The following RNF38 variants were observed in gnomAD, a reference collection of about 807,000 sequenced individuals.
RNF38 encodes E3 ubiquitin-protein ligase RNF38.
RNF38 carries 15 observed loss-of-function variants against 67.2 expected under a neutral mutation model. The observed-to-expected ratio is 0.22, with a 90% CI of 0.15 to 0.34. The LOEUF (loss-of-function observed/expected upper bound fraction) is 0.34, where lower values mean the gene tolerates loss of function less well. Ranked by LOEUF, RNF38 falls within the 10% of genes least tolerant of loss-of-function variation. The pLI, the probability that RNF38 is intolerant of heterozygous loss-of-function variation, is 1.00. For synonymous variants in RNF38, 220 were observed against 218.8 expected (o/e 1.01, Z -0.05); for missense variants, 524 against 639.9 (o/e 0.82, Z 1.95).
chr9:36,450,177 C>G (rs1382667724), intron 1 of RNF38, among the ~76,000 whole-genome samples: 1 of 150,686 alleles, frequency 6.6e-6, no homozygotes, highest in African/African-American at 2.5e-5. Context: ...GTTGTGCAAC[C>G]ATCATCACTC....
intron 2 of RNF38, among the ~76,000 whole-genome samples, chr9:36,407,490 G>GC (rs1343837919): frequency 6.6e-6 from 1 of 152,210 alleles, no homozygotes; most frequent in Non-Finnish European, 1.5e-5. Context: ...GCCTAGGACA[G>GC]CCAAGTCAGA....
rs1834744091 is a variant in RNF38, at chr9:36,363,900, C to G, written c.570+5819G>C. ...TTTTTTTTTTTTTTTTTTGGAGGTG[C>G]AATCTCGCTCACTGCCACCACCTCC... On this transcript the variant is annotated intron_variant, in intron 4 of 11. Coordinates refer to ENST00000259605, the MANE Select transcript of RNF38 (RefSeq NM_022781.5). 2.5e-5 allele frequency among the ~76,000 whole-genome samples: 2 copies of G among 78,734 alleles called. 1 individual carries two copies. The highest frequency in any genetic ancestry group is 7.8e-5 in the African/African-American group (2 of 25,794). The allele number at this position is 78,734 out of a possible 152,430, so 51.7% of individuals were successfully genotyped here.
intron 2 of RNF38, among the ~76,000 whole-genome samples, chr9:36,423,551 A>G (rs569671189): frequency 2.2e-4 from 34 of 152,274 alleles, no homozygotes; most frequent in African/African-American, 7.9e-4. Context: ...GATGGTGAAA[A>G]AGACTAAATT....
chr9:36,439,754 G>A (rs1246155401), intron 1 of RNF38, among the ~76,000 whole-genome samples: 1 of 137,910 alleles, frequency 7.3e-6, no homozygotes, highest in African/African-American at 2.7e-5. Context: ...TTATATCACT[G>A]TACTCCAGCC....
At chr9:36,390,275 T>G (rs1385237703) in intron 2 of RNF38, among the ~76,000 whole-genome samples, 192 bp downstream of exon 2, 2 of 152,192 alleles carry the variant, frequency 1.3e-5, no homozygotes, top group African/African-American at 2.4e-5. Context: ...AGTAGCTGAG[T>G]AGCTCAAGAA....
chr9:36,438,419 AT>A (rs202109356), intron 1 of RNF38, among the ~76,000 whole-genome samples: 96 of 151,828 alleles, frequency 6.3e-4, no homozygotes, highest in African/African-American at 1.9e-3. Flanking sequence ...TTTTTTTGTG[AT>A]TTTTTTTAAG....
intron 3 of RNF38, among the ~76,000 whole-genome samples, chr9:36,375,371 T>TGA (rs748576640): frequency 6.6e-6 from 1 of 152,186 alleles, no homozygotes. Flanking sequence ...TTTGTTTTTT[T>TGA]GAGAGAGACA....
At chr9:36,414,452 A>AG (rs1838408091) in intron 2 of RNF38, among the ~76,000 whole-genome samples, 1 of 152,114 alleles carries the variant, frequency 6.6e-6, no homozygotes, top group Non-Finnish European at 1.5e-5. Flanking sequence ...TGGGAGGCTG[A>AG]GGGGGGCAGA....
chr9:36,407,638 C>CACTA (rs1838214113), intron 2 of RNF38, among the ~76,000 whole-genome samples: 1 of 152,164 alleles, frequency 6.6e-6, no homozygotes, highest in Non-Finnish European at 1.5e-5. Flanking sequence ...AACAGGCCTC[C>CACTA]ACTAGATGGC....
At chr9:36,452,993 G>A (rs1205144465) in intron 1 of RNF38, among the ~76,000 whole-genome samples, 4 of 152,066 alleles carry the variant, frequency 2.6e-5, no homozygotes, top group African/African-American at 7.2e-5. Context: ...GTAGACTTAC[G>A]TTTTCAATTA....
At chr9:36,423,731 C>T (rs1283408333) in intron 2 of RNF38, among the ~76,000 whole-genome samples, 3 of 26,678 alleles carry the variant, frequency 1.1e-4, no homozygotes, top group Admixed American at 2.5e-4. Flanking sequence ...GGGCGGATCA[C>T]GAGGTCAGGA....
intron 2 of RNF38, among the ~76,000 whole-genome samples, chr9:36,413,768 G>C (rs2134206598): frequency 6.6e-6 from 1 of 152,220 alleles, no homozygotes; most frequent in East Asian, 1.9e-4. Flanking sequence ...GGTCACTTTT[G>C]TTGTATAGTT....
chr9:36,473,909 C>T (rs909862229), intron 1 of RNF38, among the ~76,000 whole-genome samples: 3 of 150,266 alleles, frequency 2.0e-5, no homozygotes, highest in African/African-American at 7.4e-5. Context: ...TTGCTTGAAC[C>T]TGGGAGGCGG....
rs371744534 is a variant in RNF38 at position 36,339,343 on chromosome 9, C to G, written c.*409G>C. ...ACTTATCACCAACAGTCATACGCTG[C>G]GCATTCATTTCCACTCACAGTTTCT... is the stretch of plus-strand genomic sequence containing the variant. On this transcript the variant is annotated 3_prime_UTR_variant, in exon 12 of 12. Coordinates refer to ENST00000259605, the MANE Select transcript of RNF38 (RefSeq NM_022781.5). 1 of 179,670 alleles carries G rather than the reference C, an allele frequency of 5.6e-6. No homozygotes were observed. The highest frequency in any genetic ancestry group is 2.3e-5 in the African/African-American group (1 of 42,590). 11.1% of individuals were successfully genotyped at this position (179,670 alleles called of 1,614,324 possible).
chr9:36,339,937 A>G lies in RNF38; in HGVS notation c.1486-123T>C, dbSNP rs1832719479. On this transcript the variant is annotated intron_variant, in intron 11 of 11. Transcript: ENST00000259605. Reference sequence around the variant, plus strand: ...TCTTTCTTCCTCTGAAGAGGTACAAAGCAATTTTTGCCTTTTTTTAACCCA... The same window carrying G: ...TCTTTCTTCCTCTGAAGAGGTACAAGGCAATTTTTGCCTTTTTTTAACCCA... The G allele has an allele frequency of 1.9e-5, 17 of 911,434 alleles. No individual in the cohort carries two copies. The Middle Eastern group carries it at 7.7e-4, about 41-fold the overall frequency. The allele number at this position is 911,434 out of a possible 1,614,324, so 56.5% of individuals were successfully genotyped here.
At chr9:36,410,384 T>C (rs1838294186) in intron 2 of RNF38, among the ~76,000 whole-genome samples, 1 of 152,144 alleles carries the variant, frequency 6.6e-6, no homozygotes. Context: ...TGGAGTGCAA[T>C]GGCATGATCT....
In RNF38 at chr9:36,390,603, G is replaced by T; in HGVS notation, c.26C>A (p.Ala9Asp). 1 of 1,614,048 alleles carries T rather than the reference G, an allele frequency of 6.2e-7. No individual in the cohort carries two copies. Among genetic ancestry groups the T allele is most frequent in the Non-Finnish European group, 8.5e-7 (1 of 1,179,950 alleles). MACKISPG[A>D]NSASLPGHPN... ...ATGGCCAGGTAGAGATGCTGAATTG[G>T]CCCCGGGAGATATCTGGGAAAAAGA... Residue 9 changes from alanine (A) to aspartate (D), a missense_variant, in exon 2 of 12, where the codon GCC (alanine) becomes GAC (aspartate). Ala to Asp is a moderately radical substitution (Grantham distance 126). Transcript: ENST00000259605.
At chr9:36,387,058 C>T (rs1168339704) in intron 2 of RNF38, among the ~76,000 whole-genome samples, 5 of 152,344 alleles carry the variant, frequency 3.3e-5, no homozygotes, top group Non-Finnish European at 5.9e-5. Context: ...CTGCTTCGGC[C>T]TCCCAAATTG....
intron 2 of RNF38, among the ~76,000 whole-genome samples, chr9:36,390,099 A>G (rs1836959674): frequency 6.6e-6 from 1 of 152,258 alleles, no homozygotes; most frequent in Admixed American, 6.5e-5. Flanking sequence ...CTGGGTGCCA[A>G]GCAAGTAACT....
Sources: gnomAD v4.1 joint callset for allele counts (sites outside exome capture counted in the v4.1 genomes callset) on GRCh38, gnomAD v4.1.1 for gene constraint, MANE v1.5 for transcripts, NCBI Gene and HGNC (gene_info 2026-07-23, HGNC 2026-07-21) for gene names.